The following RECK variants were observed in gnomAD, a reference collection of about 807,000 sequenced individuals.
RECK encodes the protein reversion inducing cysteine rich protein with kazal motifs.
A neutral mutation model predicts 115.1 loss-of-function variants in RECK; 69 were observed. The ratio of observed to expected loss-of-function variants is 0.60; its 90% CI spans 0.49 to 0.73. The LOEUF is 0.73. Ranked by LOEUF, RECK falls within the 30% of genes least tolerant of loss-of-function variation. The probability of loss-of-function intolerance (pLI) is 0.00; values close to 1 mark genes in which losing one functional copy is unlikely to be tolerated. For missense variants in RECK, 1,047 were observed against 1,203.7 expected, an observed-to-expected ratio of 0.87 and a Z score of 1.93; for synonymous variants, 414 against 419.7, an observed-to-expected ratio of 0.99 and a Z score of 0.17.
At chr9:36,048,966 C>T (rs533805386) in intron 1 of RECK, among the ~76,000 whole-genome samples, 1 of 152,320 alleles carries the variant, frequency 6.6e-6, no homozygotes, top group Non-Finnish European at 1.5e-5. Context: ...TATAAATCCA[C>T]GGTTCCCATG....
At chr9:36,064,101 C>G (rs1486252437) in intron 5 of RECK, among the ~76,000 whole-genome samples, 1 of 152,116 alleles carries the variant, frequency 6.6e-6, no homozygotes, top group Non-Finnish European at 1.5e-5. Flanking sequence ...TCTTATCATT[C>G]CTTGTCTCTG....
At chr9:36,087,182 A>C (rs942355631) in intron 8 of RECK, among the ~76,000 whole-genome samples, 2 of 152,156 alleles carry the variant, frequency 1.3e-5, no homozygotes, top group African/African-American at 4.8e-5. Flanking sequence ...GAAAAAAAAA[A>C]CATGCACACA....
chr9:36,111,851 A>C (rs2132666024), intron 15 of RECK, among the ~76,000 whole-genome samples: 1 of 152,200 alleles, frequency 6.6e-6, no homozygotes, highest in South Asian at 2.1e-4. Context: ...ACCTGGGATC[A>C]AAGTCTAGGG....
intron 6 of RECK, among the ~76,000 whole-genome samples, chr9:36,069,401 G>A (rs1255574404): frequency 4.0e-5 from 6 of 150,202 alleles, no homozygotes; most frequent in African/African-American, 1.5e-4. Context: ...TTAGCTGGGT[G>A]TGGTGGTGCA....
rs186816863 is a variant in RECK, at chr9:36,072,017, A to G, written c.405+6393A>G. The stretch of plus-strand genomic sequence containing the variant: ...TAAAGTTACTAGAGATATTTGAGAT[A>G]TTTTCTGCATATAAAAGTAAATATA... On this transcript the variant is annotated intron_variant, in intron 6 of 20. Coordinates refer to ENST00000377966, the MANE Select transcript of RECK (RefSeq NM_021111.3). Among the ~76,000 whole-genome samples, 10 of 152,240 alleles carry G rather than the reference A, an allele frequency of 6.6e-5. No individual in the cohort carries two copies. The East Asian group carries it at 1.9e-3, about 29-fold the overall frequency.
intron 6 of RECK, among the ~76,000 whole-genome samples, chr9:36,067,600 T>A (rs1315317524): frequency 1.3e-5 from 2 of 152,198 alleles, no homozygotes; most frequent in African/African-American, 4.8e-5. Flanking sequence ...CATTGTTACA[T>A]CAGATTTTAT....
Position 36,088,290 on chromosome 9 carries a change from C to G in RECK, c.905+329C>G, listed in dbSNP as rs543118580. On this transcript the variant is annotated intron_variant, in intron 9 of 20. Transcript: ENST00000377966. Reference sequence around the variant, plus strand: ...CTTACAGTTTAGAAGATGTTTTGATCTGACATCTAAGGGACATTCTCTTTA... The same window carrying G: ...CTTACAGTTTAGAAGATGTTTTGATGTGACATCTAAGGGACATTCTCTTTA... 5.3e-5 allele frequency among the ~76,000 whole-genome samples: 8 copies of G among 152,274 alleles called. No individual in the cohort carries two copies. In the South Asian group the frequency reaches 1.7e-3, roughly 32 times the overall value.
At chr9:36,073,231 G>GACACACACACACAC (rs1296993241) in intron 6 of RECK, among the ~76,000 whole-genome samples, 5 of 94,988 alleles carry the variant, frequency 5.3e-5, no homozygotes, top group East Asian at 3.3e-4. Context: ...GACACACACA[G>GACACACACACACAC]ACACACACAG....
At chr9:36,070,512 GA>G (rs528340091) in intron 6 of RECK, among the ~76,000 whole-genome samples, 5,795 of 140,398 alleles carry the variant, frequency 0.041, 341 homozygotes, top group African/African-American at 0.13. Context: ...CCATTCTTTT[GA>G]AAAAAAAAAA....
rs1348181172 is a variant in RECK at position 36,123,403 on chromosome 9, A to T, written c.*358A>T. On this transcript the variant is annotated 3_prime_UTR_variant, in exon 21 of 21. Transcript: ENST00000377966. ...GATAATTCACTGTACTATCAGGTTC[A>T]CAAACTTCATTTCAGAGTTCTTTTT... is the stretch of plus-strand genomic sequence containing the variant. 2 of 180,364 alleles carry T rather than the reference A, an allele frequency of 1.1e-5. No individual in the cohort carries two copies. Among genetic ancestry groups the T allele is most frequent in the Non-Finnish European group, 2.3e-5 (2 of 86,548 alleles). The allele number at this position is 180,364 out of a possible 1,614,324, so 11.2% of individuals were successfully genotyped here.
rs371805048 is a variant in RECK, at chr9:36,046,809, A to G, written c.101-5456A>G. Among the ~76,000 whole-genome samples the G allele has an allele frequency of 9.8e-5, 15 of 152,334 alleles. No individual in the cohort carries two copies. The East Asian group carries it at 1.3e-3, about 14-fold the overall frequency. On this transcript the variant is annotated intron_variant, in intron 1 of 20. Transcript: ENST00000377966. The stretch of plus-strand genomic sequence containing the variant: ...CAAATTTTTGAGGTTTTTTAAATGA[A>G]AAAAAGAATTATTTTAAAAATTTAA...
chr9:36,121,155 C>A (rs1328158792), intron 19 of RECK, among the ~76,000 whole-genome samples: 1 of 152,204 alleles, frequency 6.6e-6, no homozygotes, highest in East Asian at 1.9e-4. Context: ...TAGTTCTGCC[C>A]TCTCTCTTTT....
At chr9:36,062,766 C>G (rs1054477237) in intron 4 of RECK, among the ~76,000 whole-genome samples, 1 of 152,170 alleles carries the variant, frequency 6.6e-6, no homozygotes, top group South Asian at 2.1e-4. Flanking sequence ...GTGGGAGCCA[C>G]TGAGCCTGGC....
rs1005581192 is a variant in RECK at position 36,088,558 on chromosome 9, A to T, written c.905+597A>T. ...GTGCTTTATTAGAGATATTTGGGGT[A>T]AAAAGGGACCCCATGTTACTCGGAT... On this transcript the variant is annotated intron_variant, in intron 9 of 20. Transcript: ENST00000377966. Among the ~76,000 whole-genome samples the T allele has an allele frequency of 9.2e-5, 14 of 152,210 alleles. 1 individual carries two copies. The South Asian group carries it at 1.0e-3, about 11-fold the overall frequency.
At position 36,058,873 on chromosome 9, in the gene RECK, G is replaced by A. The variant is rs747510177; in HGVS notation, c.206G>A (p.Arg69Gln). Residue 69 changes from arginine to glutamine, a missense_variant, in exon 3 of 21, where the codon CGA becomes CAA. Physicochemically the swap from Arg to Gln is conservative, Grantham distance 43. Coordinates refer to ENST00000377966, the MANE Select transcript of RECK (RefSeq NM_021111.3). ...SESRLKHLLQ[R>Q]APDYCPETMV... ...TCCCGACTAAAACATCTGTTGCAGC[G>A]AGCCCCAGATTATTGCCCAGAGACA... 5 of 1,576,408 alleles carry A rather than the reference G, an allele frequency of 3.2e-6. No homozygotes were observed. Among genetic ancestry groups the A allele is most frequent in the East Asian group, 2.4e-5 (1 of 42,444 alleles).
chr9:36,041,393 G>A (rs765817180), intron 1 of RECK, among the ~76,000 whole-genome samples: 3 of 152,196 alleles, frequency 2.0e-5, no homozygotes, highest in Non-Finnish European at 4.4e-5. Flanking sequence ...AGAGATGGGA[G>A]CCCTGCTGCA....
chr9:36,060,612 C>T (rs891525687), intron 4 of RECK, among the ~76,000 whole-genome samples: 1 of 151,964 alleles, frequency 6.6e-6, no homozygotes, highest in African/African-American at 2.4e-5. Context: ...TTACTACCTC[C>T]TTATGACTCC....
At chr9:36,100,975 G>GTT (rs567284866) in intron 11 of RECK, among the ~76,000 whole-genome samples, 1,744 of 146,722 alleles carry the variant, frequency 0.012, 36 homozygotes, top group African/African-American at 0.04. Context: ...TTTGTTTTGT[G>GTT]TTTTTTTTTT....
intron 7 of RECK, among the ~76,000 whole-genome samples, chr9:36,081,789 G>A (rs561536984): frequency 4.9e-4 from 73 of 150,100 alleles, no homozygotes; most frequent in South Asian, 1.1e-3. Flanking sequence ...AGCCAAGATC[G>A]CGCCACTGCA....
Sources: gnomAD v4.1 joint callset for allele counts (sites outside exome capture counted in the v4.1 genomes callset) on GRCh38, gnomAD v4.1.1 for gene constraint, MANE v1.5 for transcripts, NCBI Gene and HGNC (gene_info 2026-07-23, HGNC 2026-07-21) for gene names.